Variants in RYR1 observed in about 807,000 individuals in gnomAD.
RYR1 encodes ryanodine receptor 1, also known as central core disease of muscle.
A neutral mutation model predicts 583.5 loss-of-function variants in RYR1; 342 were observed. That is an observed-to-expected ratio of 0.59 (90% CI 0.54 to 0.64). The LOEUF is 0.64. Ranked by LOEUF, RYR1 falls within the 30% of genes least tolerant of loss-of-function variation. The pLI is 0.00. For missense variants in RYR1, 6,032 were observed against 6,917.2 expected (o/e 0.87, Z 4.54); for synonymous variants, 2,791 against 2,822.5 (o/e 0.99, Z 0.35).
Position 38,543,264 on chromosome 19 carries a change from A to G in RYR1, c.11690-83A>G. 3 of 1,153,500 alleles carry G rather than the reference A, an allele frequency of 2.6e-6. No individual in the cohort carries two copies. Among genetic ancestry groups the G allele is most frequent in the Non-Finnish European group, 3.9e-6 (3 of 760,116 alleles). 71.5% of individuals were successfully genotyped at this position (1,153,500 alleles called of 1,614,324 possible). A position where few individuals can be genotyped will look rare whatever the true frequency, so the allele number is the denominator to read the frequency against. Reference sequence around the variant, plus strand: ...TACAATAGGAACTCAACACATGAGTATTGCATAAATGAATAAATGACCCAC... The same window carrying G: ...TACAATAGGAACTCAACACATGAGTGTTGCATAAATGAATAAATGACCCAC... On this transcript the variant is annotated intron_variant, in intron 84 of 105. Transcript: ENST00000359596. The surrounding 1 kb of genome is among the most constrained non-coding windows in gnomAD (Gnocchi z 4.4).
Position 38,467,711 on chromosome 19 carries a change from G to A in RYR1, c.3280G>A (p.Val1094Ile). 1.2e-6 allele frequency: 2 copies of A among 1,614,238 alleles called. No homozygotes were observed. Among genetic ancestry groups the A allele is most frequent in the South Asian group, 2.2e-5 (2 of 91,084 alleles). ...CCGCTGGTACTTCGAGTTTGAAGCAGTCACCACAGGCGAGATGCGCGTGGG... is the reference window on the plus strand; with the variant it reads ...CCGCTGGTACTTCGAGTTTGAAGCAATCACCACAGGCGAGATGCGCGTGGG... The part of the protein sequence containing the change: ...SGRWYFEFEA[V>I]TTGEMRVGWA... Residue 1094 changes from valine to isoleucine, a missense_variant, in exon 25 of 106, where the codon GTC (valine) becomes ATC (isoleucine). Coordinates refer to ENST00000359596, the MANE Select transcript of RYR1 (RefSeq NM_000540.3).
chr19:38,467,924 A>G, intron 25 of RYR1, 112 bp downstream of exon 25: 1 of 900,344 alleles, frequency 1.1e-6, no homozygotes, highest in Non-Finnish European at 1.7e-6. Flanking sequence ...TCATGCATCT[A>G]CTGTACCACT....
At chr19:38,550,640 T>G (rs947150836) in intron 89 of RYR1, among the ~76,000 whole-genome samples, 5 of 152,056 alleles carry the variant, frequency 3.3e-5, no homozygotes, top group Admixed American at 1.3e-4. Flanking sequence ...CCACCCAAAG[T>G]GCTGGGATTA....
chr19:38,573,264 G>C lies in RYR1; in HGVS notation c.14086G>C (p.Asp4696His), dbSNP rs781575677. 3.1e-6 allele frequency: 5 copies of C among 1,613,868 alleles called. No homozygotes were observed. The highest frequency in any genetic ancestry group is 1.1e-5 in the South Asian group (1 of 91,096). ...GLYITEQPED[D>H]DVKGQWDRLV... ...GTACATCACGGAGCAGCCTGAGGAC[G>C]ATGACGTGAAGGGGCAGTGGGACCG... Residue 4696 changes from aspartate to histidine, a missense_variant, in exon 96 of 106, where the codon GAT (aspartate) becomes CAT (histidine). By Grantham distance (81) the Asp-to-His change is moderately conservative. This residue lies in a region of RYR1 where 188 missense variants were observed against 215.6 expected (regional missense o/e 0.87). Coordinates refer to ENST00000359596, the MANE Select transcript of RYR1 (RefSeq NM_000540.3).
At chr19:38,525,605 G>C in intron 71 of RYR1, 103 bp downstream of exon 71, 4 of 1,297,492 alleles carry the variant, frequency 3.1e-6, no homozygotes, top group Non-Finnish European at 4.4e-6. Context: ...GAGCCCCCCA[G>C]GTCCCTGGGA....
chr19:38,559,228 CTTTT>C (rs34239565), intron 89 of RYR1, among the ~76,000 whole-genome samples: 1 of 101,302 alleles, frequency 9.9e-6, no homozygotes, highest in Non-Finnish European at 2.0e-5. Context: ...AGGTGGGCTT[CTTTT>C]TTTTTTTTTT....
Position 38,496,448 on chromosome 19 carries a change from T to C in RYR1, c.6703T>C (p.Phe2235Leu). 1 of 1,613,774 alleles carries C rather than the reference T, an allele frequency of 6.2e-7. No individual in the cohort carries two copies. Among genetic ancestry groups the C allele is most frequent in the Non-Finnish European group, 8.5e-7 (1 of 1,180,012 alleles). The change falls in exon 41 of 106, where the codon TTC (phenylalanine) becomes CTC (leucine). Residue 2235 changes from phenylalanine to leucine, a missense_variant. By Grantham distance (22) the Phe-to-Leu change is conservative. Around this residue, in one of 11 missense-constraint regions of RYR1, gnomAD observed 2,627 missense variants for 2,961.3 expected, o/e 0.89. Coordinates refer to ENST00000359596, the MANE Select transcript of RYR1 (RefSeq NM_000540.3). This position sits in a 1 kb window ranked among gnomAD's most constrained non-coding sequence, Gnocchi z 4.8. Reference sequence around the variant, plus strand: ...CAAGATGGTGACAAGCTGCTGCCGCTTCCTCTGCTATTTCTGCCGAATCAG... The same window carrying C: ...CAAGATGGTGACAAGCTGCTGCCGCCTCCTCTGCTATTTCTGCCGAATCAG... ...FPKMVTSCCRFLCYFCRISRQ... is the reference protein window; with the variant it reads ...FPKMVTSCCRLLCYFCRISRQ...
chr19:38,500,138 T>C lies in RYR1; in HGVS notation c.7323+122T>C. The C allele has an allele frequency of 1.1e-6, 1 of 871,454 alleles. No individual in the cohort carries two copies. Among genetic ancestry groups the C allele is most frequent in the South Asian group, 1.4e-5 (1 of 70,662 alleles). 54.0% of individuals were successfully genotyped at this position (871,454 alleles called of 1,614,324 possible). A position where few individuals can be genotyped will look rare whatever the true frequency, so the allele number is the denominator to read the frequency against. On this transcript the variant is annotated intron_variant, in intron 45 of 105. Coordinates refer to ENST00000359596, the MANE Select transcript of RYR1 (RefSeq NM_000540.3). The surrounding 1 kb of genome is among the most constrained non-coding windows in gnomAD (Gnocchi z 5.9). ...TATGTGGGTGGTCCTGGACTAGCAA[T>C]GTTGGGGACACAACAGTGACCAAGA...
intron 19 of RYR1, 145 bp from the exon 20 acceptor site, chr19:38,460,230 C>CA (rs1967651954): frequency 1.3e-6 from 1 of 747,902 alleles, no homozygotes; most frequent in Non-Finnish European, 2.4e-6. Flanking sequence ...TTCTAAATGA[C>CA]CTCCAGGACA....
chr19:38,579,248 A>G (rs1022539996), intron 99 of RYR1, among the ~76,000 whole-genome samples: 45 of 152,206 alleles, frequency 3.0e-4, no homozygotes, highest in African/African-American at 9.9e-4. Flanking sequence ...CATCATGGTG[A>G]AACCCATCTC....
At position 38,527,639 on chromosome 19, in the gene RYR1, C is replaced by T. The variant is rs746625846; in HGVS notation, c.10687-8C>T. 8 of 1,614,024 alleles carry T rather than the reference C, an allele frequency of 5.0e-6. No individual in the cohort carries two copies. The highest frequency in any genetic ancestry group is 1.1e-5 in the South Asian group (1 of 91,016). On this transcript the variant is annotated splice_polypyrimidine_tract_variant and splice_region_variant and intron_variant, in intron 72 of 105. Coordinates refer to ENST00000359596, the MANE Select transcript of RYR1 (RefSeq NM_000540.3). ...CTCACGCCGGCCACTCCTTCTTCCTCCCTTCAGGTCGAAGGCTCCCCGTCT... is the reference window on the plus strand; with the variant it reads ...CTCACGCCGGCCACTCCTTCTTCCTTCCTTCAGGTCGAAGGCTCCCCGTCT...
Position 38,473,573 on chromosome 19 carries a change from AGGCCCGGGC to A in RYR1, c.3966_3974del (p.Arg1323_Ala1325del), listed in dbSNP as rs1332046851. The stretch of plus-strand genomic sequence containing the variant: ...GGCCTGCAGCCCCCCGCCGAGGACG[AGGCCCGGGC>A]GGCGGAACCCGACCCTGACTACGAA... On this transcript the variant is annotated inframe_deletion, in exon 28 of 106. Coordinates refer to ENST00000359596, the MANE Select transcript of RYR1 (RefSeq NM_000540.3). 6.3e-7 allele frequency: 1 copy of A among 1,597,372 alleles called. No homozygotes were observed. Among genetic ancestry groups the A allele is most frequent in the African/African-American group, 1.3e-5 (1 of 74,618 alleles).
At chr19:38,525,785 C>T (rs766851422) in intron 71 of RYR1, among the ~76,000 whole-genome samples, 4 of 151,888 alleles carry the variant, frequency 2.6e-5, no homozygotes, top group African/African-American at 7.3e-5. Flanking sequence ...ATGAGGACTG[C>T]AGGACCCCAC....
Position 38,565,554 on chromosome 19 carries a change from G to A in RYR1, c.13220G>A (p.Gly4407Asp), listed in dbSNP as rs761108833. The A allele has an allele frequency of 4.7e-6, 7 of 1,486,576 alleles. No homozygotes were observed. The highest frequency in any genetic ancestry group is 2.2e-5 in the Admixed American group (1 of 45,338). 92.1% of individuals were successfully genotyped at this position (1,486,576 alleles called of 1,614,324 possible). The change falls in exon 91 of 106, where the codon GGT becomes GAT. Residue 4407 changes from glycine to aspartate, a missense_variant. Gly to Asp is a moderately conservative substitution (Grantham distance 94). Around this residue, in one of 11 missense-constraint regions of RYR1, gnomAD observed 753 missense variants for 759.6 expected, o/e 0.99. Transcript: ENST00000359596. This position sits in a 1 kb window ranked among gnomAD's most constrained non-coding sequence, Gnocchi z 4.7. ...CCGGGCGGAGACGCAGACGGCGAGGGTGCCAGCGAGGGCGCTGGAGACGCC... is the reference window on the plus strand; with the variant it reads ...CCGGGCGGAGACGCAGACGGCGAGGATGCCAGCGAGGGCGCTGGAGACGCC... ...AGPGGDADGE[G>D]ASEGAGDAAE... is the part of the protein sequence containing the mutation.
chr19:38,578,887 G>A (rs1475368522), intron 99 of RYR1, among the ~76,000 whole-genome samples: 1 of 151,632 alleles, frequency 6.6e-6, no homozygotes, highest in East Asian at 1.9e-4. Flanking sequence ...GGAGGCAGAG[G>A]TTTGCTTGAG....
In RYR1 at chr19:38,481,821, C is replaced by T. The variant is rs370130953; in HGVS notation, c.4621-1206C>T. 4.6e-5 allele frequency among the ~76,000 whole-genome samples: 7 copies of T among 152,014 alleles called. No homozygotes were observed. The East Asian group carries it at 7.7e-4, about 17-fold the overall frequency. On this transcript the variant is annotated intron_variant, in intron 31 of 105. Transcript: ENST00000359596. ...AGTTAAAATGGGCCGGGCGTGGTGG[C>T]TCACACCTGTAATCCCAGCACTTTG... is the stretch of plus-strand genomic sequence containing the variant.
chr19:38,557,292 G>T (rs914142374), intron 89 of RYR1, among the ~76,000 whole-genome samples: 1 of 152,182 alleles, frequency 6.6e-6, no homozygotes, highest in Non-Finnish European at 1.5e-5. Flanking sequence ...CACTGCCCTG[G>T]TCCTGAAGGT....
intron 101 of RYR1, 149 bp downstream of exon 101, chr19:38,580,653 A>C: frequency 1.0e-6 from 1 of 997,084 alleles, no homozygotes; most frequent in African/African-American, 1.6e-5. Flanking sequence ...TGAGTCCAGG[A>C]GTTGGAAACC....
At position 38,469,288 on chromosome 19, in the gene RYR1, C is replaced by T. The variant is rs1294158584; in HGVS notation, c.3557-17C>T. 3.1e-6 allele frequency: 5 copies of T among 1,613,402 alleles called. No individual in the cohort carries two copies. In the South Asian group the frequency reaches 4.4e-5, roughly 14 times the overall value. ...CCCACCTGCCCTCACCCCTGCCCAT[C>T]CATCCCCTCCCACCAGGCTTCCTGC... On this transcript the variant is annotated splice_polypyrimidine_tract_variant and intron_variant, in intron 26 of 105. Transcript: ENST00000359596.
Sources: gnomAD v4.1 joint callset for allele counts (sites outside exome capture counted in the v4.1 genomes callset) on GRCh38, gnomAD v4.1.1 for gene constraint, gnomAD v4.1.1 regional missense constraint, Gnocchi (gnomAD v3.1) non-coding constraint, MANE v1.5 for transcripts, NCBI Gene and HGNC (gene_info 2026-07-23, HGNC 2026-07-21) for gene names.